The following PDZK1IP1 variants were observed in gnomAD, a reference collection of about 807,000 sequenced individuals.
The protein encoded by PDZK1IP1 is PDZK1-interacting protein 1.
Under a neutral mutation model 14.7 loss-of-function variants are expected in PDZK1IP1, and 9 were observed. That is an observed-to-expected ratio of 0.61 (90% CI 0.37 to 1.07). The LOEUF is 1.07. PDZK1IP1 is among the 50% of genes least tolerant of loss of function. The probability of loss-of-function intolerance (pLI) is 0.01; values close to 1 mark genes in which losing one functional copy is unlikely to be tolerated. For missense variants in PDZK1IP1, 152 were observed against 148.7 expected (o/e 1.02, Z -0.11); for synonymous variants, 70 against 61.2 (o/e 1.14, Z -0.67).
rs1005747671 is a variant in PDZK1IP1 at position 47,183,834 on chromosome 1, G to C, written c.*137C>G. 4.1e-6 allele frequency: 3 copies of C among 737,692 alleles called. No individual in the cohort carries two copies. The highest frequency in any genetic ancestry group is 3.4e-4 in the Middle Eastern group (1 of 2,924). The allele number at this position is 737,692 out of a possible 1,614,324, so 45.7% of individuals were successfully genotyped here. On this transcript the variant is annotated 3_prime_UTR_variant, in exon 4 of 4. Coordinates refer to ENST00000294338, the MANE Select transcript of PDZK1IP1 (RefSeq NM_005764.4). ...CCTTGGCTGGCTATACTTCAAGGGC[G>C]GGTAGGGCCGGCATGGGGCTGGAGG...
rs751692856 is a variant in PDZK1IP1 at position 47,185,079 on chromosome 1, G to A, written c.195C>T (p.Ile65=). Residue 65 remains isoleucine (I), a synonymous_variant, in exon 3 of 4, where the codon ATC becomes ATT. Coordinates refer to ENST00000294338, the MANE Select transcript of PDZK1IP1 (RefSeq NM_005764.4). ...CATCTGCCTTGTTTCCGACGGTCAG[G>A]ATCATGTGTGCAGGCTCCCTGGGGA... is the stretch of plus-strand genomic sequence containing the variant. ...CQEEPEPAHM[I]LTVGNKADGV... 4.1e-5 allele frequency: 66 copies of A among 1,613,102 alleles called. No homozygotes were observed. Among genetic ancestry groups the A allele is most frequent in the Non-Finnish European group, 5.0e-5 (59 of 1,179,878 alleles).
chr1:47,187,388 G>T lies in PDZK1IP1; in HGVS notation c.107C>A (p.Ala36Glu). ...AACGAGGACCAGGAACACGGCCACCGCGATAAGGCCCTGCATCCAGGGCTG... is the reference window on the plus strand; with the variant it reads ...AACGAGGACCAGGAACACGGCCACCTCGATAAGGCCCTGCATCCAGGGCTG... ...NLQPWMQGLI[A>E]VAVFLVLVAI... Residue 36 changes from alanine (A) to glutamate (E), a missense_variant, in exon 2 of 4, where the codon GCG becomes GAG. Transcript: ENST00000294338. 6.2e-7 allele frequency: 1 copy of T among 1,612,872 alleles called. No individual in the cohort carries two copies. Among genetic ancestry groups the T allele is most frequent in the Non-Finnish European group, 8.5e-7 (1 of 1,179,964 alleles).
chr1:47,184,106 G>T, intron 3 of PDZK1IP1, 63 bp from the exon 4 acceptor site: 2 of 1,222,970 alleles, frequency 1.6e-6, no homozygotes, highest in Non-Finnish European at 2.4e-6. Context: ...CCTTCTCCCT[G>T]CCCCTTCCTG....
At position 47,189,878 on chromosome 1, in the gene PDZK1IP1, T is replaced by C; in HGVS notation, c.55A>G (p.Ser19Gly). 1 of 1,596,200 alleles carries C rather than the reference T, an allele frequency of 6.3e-7. No individual in the cohort carries two copies. Among genetic ancestry groups the C allele is most frequent in the Non-Finnish European group, 8.5e-7 (1 of 1,178,230 alleles). Residue 19 changes from serine (S) to glycine (G), a missense_variant, in exon 1 of 4, where the codon AGC becomes GGC. Coordinates refer to ENST00000294338, the MANE Select transcript of PDZK1IP1 (RefSeq NM_005764.4). ...LGLLTAVPPA[S>G]CQQGLGNLQP... is the part of the protein sequence containing the mutation. ...CCTCCTGAGCTACCTTGCTGACAGC[T>C]GGCAGGTGGCACTGCCGTGAGCAGG... is the stretch of plus-strand genomic sequence containing the variant.
intron 2 of PDZK1IP1, among the ~76,000 whole-genome samples, chr1:47,186,755 C>A (rs1024166682): frequency 2.0e-5 from 3 of 152,204 alleles, no homozygotes; most frequent in Non-Finnish European, 2.9e-5. Context: ...GACTCCTCCT[C>A]GTTAGTCAGG....
chr1:47,185,228 C>A, intron 2 of PDZK1IP1, 131 bp from the exon 3 acceptor site: 1 of 703,334 alleles, frequency 1.4e-6, no homozygotes. Context: ...TGCAACAGGG[C>A]ATGTCAGCCG....
In PDZK1IP1 at chr1:47,183,980, G is replaced by C. The variant is rs1329087924; in HGVS notation, c.336C>G (p.Thr112=). The C allele has an allele frequency of 6.3e-7, 1 of 1,596,550 alleles. No individual in the cohort carries two copies. The highest frequency in any genetic ancestry group is 1.1e-5 in the South Asian group (1 of 87,830). Residue 112 remains threonine, a synonymous_variant, in exon 4 of 4, where the codon ACC becomes ACG. Coordinates refer to ENST00000294338, the MANE Select transcript of PDZK1IP1 (RefSeq NM_005764.4). ...VPEEEGKVRS[T]PM The stretch of plus-strand genomic sequence containing the variant: ...GGAGCCACAGAGAAGGTTACATCGG[G>C]GTGCTGCGGACCTTGCCTTCCTCCT...
At position 47,185,112 on chromosome 1, in the gene PDZK1IP1, C is replaced by A; in HGVS notation, c.177-15G>T. 1 of 1,608,292 alleles carries A rather than the reference C, an allele frequency of 6.2e-7. No homozygotes were observed. Among genetic ancestry groups the A allele is most frequent in the South Asian group, 1.1e-5 (1 of 90,982 alleles). On this transcript the variant is annotated splice_polypyrimidine_tract_variant and intron_variant, in intron 2 of 3. Transcript: ENST00000294338. Reference sequence around the variant, plus strand: ...GTGCAGGCTCCCTGGGGATGGGATTCATCAGTGGGGCTCCTCAGTGGGGCC... The same window carrying A: ...GTGCAGGCTCCCTGGGGATGGGATTAATCAGTGGGGCTCCTCAGTGGGGCC...
intron 1 of PDZK1IP1, 104 bp downstream of exon 1, chr1:47,189,762 G>T: frequency 1.3e-6 from 1 of 793,066 alleles, no homozygotes; most frequent in Non-Finnish European, 1.9e-6. Context: ...CGCAGTCCCT[G>T]CTCCCCCTCC....
intron 3 of PDZK1IP1, 114 bp from the exon 4 acceptor site, chr1:47,184,157 C>A: frequency 2.4e-6 from 2 of 820,224 alleles, no homozygotes; most frequent in South Asian, 3.1e-5. Flanking sequence ...ACACTTGACT[C>A]CCAGAAGGGG....
chr1:47,184,383 T>TCCA (rs1645303783), intron 3 of PDZK1IP1, among the ~76,000 whole-genome samples: 3 of 618 alleles, frequency 4.9e-3, no homozygotes, highest in Non-Finnish European at 5.9e-3. Flanking sequence ...ACTGAACCAA[T>TCCA]TCCCCCATTA....
intron 1 of PDZK1IP1, among the ~76,000 whole-genome samples, chr1:47,188,902 A>G (rs1427583891): frequency 6.6e-6 from 1 of 152,144 alleles, no homozygotes; most frequent in East Asian, 1.9e-4. Flanking sequence ...CAACCCTTGG[A>G]GGCCCCTCCC....
At chr1:47,185,124 T>C (rs554315457) in intron 2 of PDZK1IP1, 27 bp from the exon 3 acceptor site, 14 of 1,580,320 alleles carry the variant, frequency 8.9e-6, no homozygotes, top group Non-Finnish European at 9.6e-6. Flanking sequence ...TCAGTGGGGC[T>C]CCTCAGTGGG....
intron 2 of PDZK1IP1, among the ~76,000 whole-genome samples, chr1:47,185,893 C>T (rs527531851): frequency 5.9e-5 from 9 of 152,080 alleles, no homozygotes; most frequent in Non-Finnish European, 1.3e-4. Flanking sequence ...GACCTCATGC[C>T]CACCCCCTCA....
rs891329073 is a variant in PDZK1IP1, at chr1:47,183,672, C to T, written c.*299G>A. The T allele has an allele frequency of 4.7e-6, 2 of 424,718 alleles. No individual in the cohort carries two copies. Among genetic ancestry groups the T allele is most frequent in the Admixed American group, 7.8e-5 (2 of 25,786 alleles). The allele number at this position is 424,718 out of a possible 1,614,324, so 26.3% of individuals were successfully genotyped here. A position where few individuals can be genotyped will look rare whatever the true frequency, so the allele number is the denominator to read the frequency against. On this transcript the variant is annotated 3_prime_UTR_variant, in exon 4 of 4. Coordinates refer to ENST00000294338, the MANE Select transcript of PDZK1IP1 (RefSeq NM_005764.4). Reference sequence around the variant, plus strand: ...TATTTCACAGAAATTAGGGCCATTTCCATAGTTATGGGGAAGGACGTGTGA... The same window carrying T: ...TATTTCACAGAAATTAGGGCCATTTTCATAGTTATGGGGAAGGACGTGTGA...
rs138001097 is a variant in PDZK1IP1, at chr1:47,185,073, G to A, written c.201C>T (p.Thr67=). 6.4e-5 allele frequency: 103 copies of A among 1,613,264 alleles called. No individual in the cohort carries two copies. Among genetic ancestry groups the A allele is most frequent in the African/African-American group, 1.3e-4 (10 of 75,036 alleles). The change falls in exon 3 of 4, where the codon ACC becomes ACT. Residue 67 remains threonine, a synonymous_variant. Transcript: ENST00000294338. ...EEPEPAHMIL[T]VGNKADGVLV... ...GGACTCCATCTGCCTTGTTTCCGAC[G>A]GTCAGGATCATGTGTGCAGGCTCCC...
Position 47,187,423 on chromosome 1 carries a change from C to T in PDZK1IP1, c.72G>A (p.Leu24=). The T allele has an allele frequency of 6.2e-7, 1 of 1,612,392 alleles. No homozygotes were observed. ...AVPPASCQQG[L]GNLQPWMQGL... is the part of the protein sequence containing the mutation. ...CCTGCATCCAGGGCTGAAGGTTCCC[C>T]AGGCCTAACAAAGGGAGAGGGGCTG... The change falls in exon 2 of 4, where the codon CTG becomes CTA. Residue 24 remains leucine, a synonymous_variant. Transcript: ENST00000294338.
chr1:47,186,222 C>T (rs1354051709), intron 2 of PDZK1IP1, among the ~76,000 whole-genome samples: 4 of 151,794 alleles, frequency 2.6e-5, no homozygotes, highest in East Asian at 1.9e-4. Flanking sequence ...GCAGGAGAAC[C>T]GCTTGAACCC....
At position 47,183,779 on chromosome 1, in the gene PDZK1IP1, G is replaced by A. The variant is rs960535358; in HGVS notation, c.*192C>T. 1.6e-6 allele frequency: 1 copy of A among 616,972 alleles called. No homozygotes were observed. The highest frequency in any genetic ancestry group is 1.9e-5 in the South Asian group (1 of 52,040). 38.2% of individuals were successfully genotyped at this position (616,972 alleles called of 1,614,324 possible). On this transcript the variant is annotated 3_prime_UTR_variant, in exon 4 of 4. Coordinates refer to ENST00000294338, the MANE Select transcript of PDZK1IP1 (RefSeq NM_005764.4). ...CAGGAGACCCCAGGGCCACAGCCGA[G>A]CCCCAACCTAGACACGGTCTGAGCT...
Sources: gnomAD v4.1 joint callset for allele counts (sites outside exome capture counted in the v4.1 genomes callset) on GRCh38, gnomAD v4.1.1 for gene constraint, MANE v1.5 for transcripts, NCBI Gene and HGNC (gene_info 2026-07-23, HGNC 2026-07-21) for gene names.